The following DCST1 variants were observed in gnomAD, a reference collection of about 807,000 sequenced individuals.
DCST1 encodes E3 ubiquitin-protein ligase DCST1.
A neutral mutation model predicts 89.1 loss-of-function variants in DCST1; 78 were observed. The observed-to-expected ratio is 0.88, with a 90% CI of 0.73 to 1.06. The LOEUF (loss-of-function observed/expected upper bound fraction) is 1.06. Among genes scored for constraint, DCST1 ranks in the 50% least tolerant of loss-of-function variants. The pLI, the probability that DCST1 is intolerant of heterozygous loss-of-function variation, is 0.00. For synonymous variants in DCST1, 364 were observed against 371.9 expected, an observed-to-expected ratio of 0.98 and a Z score of 0.24; for missense variants, 900 against 928.6, an observed-to-expected ratio of 0.97 and a Z score of 0.40.
chr1:155,038,342 A>G (rs1236893372), intron 4 of DCST1, among the ~76,000 whole-genome samples: 1 of 152,250 alleles, frequency 6.6e-6, no homozygotes, highest in African/African-American at 2.4e-5. Flanking sequence ...CAAATGTGGT[A>G]GAAAGCCACC....
intron 13 of DCST1, 79 bp from the exon 14 acceptor site, chr1:155,047,117 C>T: frequency 8.7e-7 from 1 of 1,154,836 alleles, no homozygotes; most frequent in East Asian, 2.4e-5. Context: ...GTCTTGACCC[C>T]TCCCTGACAT....
In DCST1 at chr1:155,041,480, G is replaced by A. The variant is rs771996479; in HGVS notation, c.615G>A (p.Thr205=). The part of the protein sequence containing the change: ...EDLDAQVNSE[T]GYTPEDTMDS... ...TGGATGCCCAGGTGAATAGTGAGAC[G>A]GGCTACACGCCTGAGGATACCATGG... The change falls in exon 7 of 17, where the codon ACG becomes ACA. Residue 205 remains threonine, a synonymous_variant. Transcript: ENST00000295542. 1.1e-5 allele frequency: 17 copies of A among 1,613,986 alleles called. No individual in the cohort carries two copies. The East Asian group carries it at 1.3e-4, about 13-fold the overall frequency.
chr1:155,043,510 G>T lies in DCST1; in HGVS notation c.1172+1G>T, dbSNP rs150634040. 1.3e-6 allele frequency: 2 copies of T among 1,578,858 alleles called. No individual in the cohort carries two copies. The highest frequency in any genetic ancestry group is 2.7e-5 in the African/African-American group (2 of 74,428). The stretch of plus-strand genomic sequence containing the variant: ...GCACTTTCCTGCTGGTCCTGCATGC[G>T]TGAGCCATAGTCCCCACCCCAGCAG... On this transcript the variant is annotated splice_donor_variant, in intron 10 of 16. Transcript: ENST00000295542. LOFTEE classifies it high-confidence loss of function.
chr1:155,042,274 T>G (rs1362175037), intron 8 of DCST1, among the ~76,000 whole-genome samples: 1 of 152,066 alleles, frequency 6.6e-6, no homozygotes, highest in Non-Finnish European at 1.5e-5. Flanking sequence ...AATTTTTGTA[T>G]ATTTAGTAGA....
At chr1:155,048,839 A>G (rs1349590886) in intron 16 of DCST1, among the ~76,000 whole-genome samples, 2 of 152,274 alleles carry the variant, frequency 1.3e-5, no homozygotes, top group Admixed American at 1.3e-4. Context: ...AGAGGGCTGC[A>G]GACCAGAAGC....
Position 155,034,866 on chromosome 1 carries a change from C to T in DCST1, c.262+139C>T, listed in dbSNP as rs181727297. On this transcript the variant is annotated intron_variant, in intron 4 of 16. Coordinates refer to ENST00000295542, the MANE Select transcript of DCST1 (RefSeq NM_152494.4). ...GGCTTCCGCCTCCTCCTGGGCTTTA[C>T]GGGGAGGTCCAGAGGGAAGAGGCTG... The T allele has an allele frequency of 9.9e-5, 88 of 891,110 alleles. No individual in the cohort carries two copies. In the African/African-American group the frequency reaches 1.0e-3, roughly 11 times the overall value. 55.2% of individuals were successfully genotyped at this position (891,110 alleles called of 1,614,324 possible). A position where few individuals can be genotyped will look rare whatever the true frequency, so the allele number is the denominator to read the frequency against.
Position 155,045,405 on chromosome 1 carries a change from G to A in DCST1, c.1173-488G>A, listed in dbSNP as rs75814791. ...GGTGTATTGGGGGAGGATGGAGATG[G>A]TGGTCTGGGATGAGTTTTGCCCCAG... is the stretch of plus-strand genomic sequence containing the variant. On this transcript the variant is annotated intron_variant, in intron 10 of 16. Transcript: ENST00000295542. 3.8e-3 allele frequency: 742 copies of A among 197,386 alleles called. 6 individuals are homozygous for A. Among genetic ancestry groups the A allele is most frequent in the African/African-American group, 0.017 (705 of 42,430 alleles). 12.2% of individuals were successfully genotyped at this position (197,386 alleles called of 1,614,324 possible).
chr1:155,040,573 A>G lies in DCST1; in HGVS notation c.480A>G (p.Ala160=), dbSNP rs563092970. ...AGCTGCAGATCAACAACACCCGCGC[A>G]GCTTGGCGCATCTCCACAGCCCCCT... is the stretch of plus-strand genomic sequence containing the variant. ...TVELQINNTR[A]AWRISTAPLR... is the part of the protein sequence containing the mutation. The change falls in exon 6 of 17, where the codon GCA becomes GCG. Residue 160 remains alanine, a synonymous_variant. Coordinates refer to ENST00000295542, the MANE Select transcript of DCST1 (RefSeq NM_152494.4). 2 of 1,588,046 alleles carry G rather than the reference A, an allele frequency of 1.3e-6. No homozygotes were observed. The highest frequency in any genetic ancestry group is 2.7e-5 in the African/African-American group (2 of 74,570).
intron 16 of DCST1, among the ~76,000 whole-genome samples, chr1:155,050,190 G>A (rs1348226133): frequency 6.6e-6 from 1 of 152,232 alleles, no homozygotes; most frequent in African/African-American, 2.4e-5. Flanking sequence ...TAGTGAACTA[G>A]GTTTGTGGTT....
At chr1:155,048,913 G>A in intron 16 of DCST1, 1 of 661,800 alleles carries the variant, frequency 1.5e-6, no homozygotes, top group African/African-American at 1.8e-5. Context: ...CTCATGCAGG[G>A]GCACATGGTA....
At position 155,034,541 on chromosome 1, in the gene DCST1, T is replaced by TG. The variant is rs746224810; in HGVS notation, c.174dup (p.Leu59AlafsTer121). 2.8e-5 allele frequency: 45 copies of TG among 1,613,438 alleles called. No homozygotes were observed. Among genetic ancestry groups the TG allele is most frequent in the Non-Finnish European group, 3.2e-5 (38 of 1,179,972 alleles). On this transcript the variant is annotated frameshift_variant, in exon 3 of 17. Coordinates refer to ENST00000295542, the MANE Select transcript of DCST1 (RefSeq NM_152494.4). LOFTEE classifies it high-confidence loss of function. ...CTGCTCTCCTGCTGGGGGCAGGCGC[T>TG]GGGGGGCTCCTGGCCATAGGTGAGT...
chr1:155,036,833 T>A (rs1170125227), intron 4 of DCST1, among the ~76,000 whole-genome samples: 1 of 152,224 alleles, frequency 6.6e-6, no homozygotes, highest in Non-Finnish European at 1.5e-5. Flanking sequence ...GAAGCCCCCC[T>A]TCAGGGGCCA....
intron 5 of DCST1, 124 bp from the exon 6 acceptor site, chr1:155,040,361 T>C (rs1156859868): frequency 2.1e-6 from 2 of 941,092 alleles, no homozygotes. Flanking sequence ...TGACCTTTCA[T>C]AGGCTCTCGG....
intron 16 of DCST1, among the ~76,000 whole-genome samples, chr1:155,048,592 GC>G (rs1449401124): frequency 6.6e-6 from 1 of 152,124 alleles, no homozygotes; most frequent in Admixed American, 6.5e-5. Context: ...GAGCCACCAA[GC>G]CCAGCCAAGC....
In DCST1 at chr1:155,047,221, C is replaced by A; in HGVS notation, c.1521C>A (p.Val507=). ...FRSSHKLEVK[V]GGDSMLARLL... is the part of the protein sequence containing the mutation. Reference sequence around the variant, plus strand: ...GCAGTCATAAACTGGAGGTGAAGGTCGGGGGAGACTCCATGCTAGCCCGGC... The same window carrying A: ...GCAGTCATAAACTGGAGGTGAAGGTAGGGGGAGACTCCATGCTAGCCCGGC... The change falls in exon 14 of 17, where the codon GTC becomes GTA. Residue 507 remains valine, a synonymous_variant. Coordinates refer to ENST00000295542, the MANE Select transcript of DCST1 (RefSeq NM_152494.4). 1 of 1,614,018 alleles carries A rather than the reference C, an allele frequency of 6.2e-7. No individual in the cohort carries two copies. Among genetic ancestry groups the A allele is most frequent in the East Asian group, 2.2e-5 (1 of 44,894 alleles).
In DCST1 at chr1:155,050,603, C is replaced by T. The variant is rs1237922039; in HGVS notation, c.1870-14C>T. On this transcript the variant is annotated splice_polypyrimidine_tract_variant and intron_variant, in intron 16 of 16. Transcript: ENST00000295542. ...CTCGCTCCCGGGCTGGCGCTAACGC[C>T]CACCTCCCAACAGCGCCACCCGCTG... 2 of 1,564,804 alleles carry T rather than the reference C, an allele frequency of 1.3e-6. No homozygotes were observed. Among genetic ancestry groups the T allele is most frequent in the Admixed American group, 3.5e-5 (2 of 57,814 alleles).
chr1:155,035,700 C>T lies in DCST1; in HGVS notation c.262+973C>T, dbSNP rs887099541. On this transcript the variant is annotated intron_variant, in intron 4 of 16. Transcript: ENST00000295542. ...ATCCCAGCACTTTGGGAGGCTGAGG[C>T]GGGTGGATCACCTGAGGTCAGGAGT... Among the ~76,000 whole-genome samples the T allele has an allele frequency of 5.9e-5, 9 of 151,962 alleles. 1 individual carries two copies. Among genetic ancestry groups the T allele is most frequent in the African/African-American group, 1.7e-4 (7 of 41,374 alleles).
At position 155,046,453 on chromosome 1, in the gene DCST1, C is replaced by G. The variant is rs764022801; in HGVS notation, c.1462C>G (p.Arg488Gly). ...TCTCTACTCCATCTTCGACACCATC[C>G]GCCACCACTCCTTCCTGCAGTACTC... ...WALYSIFDTI[R>G]HHSFLQYSFR... The change falls in exon 13 of 17, where the codon CGC becomes GGC. Residue 488 changes from arginine (R) to glycine (G), a missense_variant. Arg to Gly is a moderately radical substitution (Grantham distance 125). Coordinates refer to ENST00000295542, the MANE Select transcript of DCST1 (RefSeq NM_152494.4). 1 of 1,614,046 alleles carries G rather than the reference C, an allele frequency of 6.2e-7. No individual in the cohort carries two copies. Among genetic ancestry groups the G allele is most frequent in the African/African-American group, 1.3e-5 (1 of 74,970 alleles).
In DCST1 at chr1:155,046,413, T is replaced by C. The variant is rs111269217; in HGVS notation, c.1422T>C (p.Cys474=). The C allele has an allele frequency of 3.6e-4, 585 of 1,614,082 alleles. 6 individuals are homozygous for C. The African/African-American group carries it at 6.6e-3, about 18-fold the overall frequency. ...TTCTGCTGCTGCTGGTGGTGCTGTG[T>C]GGCTTGGACTGGGCTCTCTACTCCA... The part of the protein sequence containing the change: ...LPILLLLVVL[C]GLDWALYSIF... The change falls in exon 13 of 17, where the codon TGT becomes TGC. Residue 474 remains cysteine, a synonymous_variant. Transcript: ENST00000295542.
Sources: gnomAD v4.1 joint callset for allele counts (sites outside exome capture counted in the v4.1 genomes callset) on GRCh38, gnomAD v4.1.1 for gene constraint, MANE v1.5 for transcripts, NCBI Gene and HGNC (gene_info 2026-07-23, HGNC 2026-07-21) for gene names.